Variants in COL27A1 observed in about 807,000 individuals in gnomAD.
COL27A1 encodes collagen type XXVII alpha 1 chain.
COL27A1 carries 106 observed loss-of-function variants against 251.3 expected under a neutral mutation model. The observed-to-expected ratio is 0.42, with a 90% CI of 0.36 to 0.50. The LOEUF (loss-of-function observed/expected upper bound fraction) is 0.50, where lower values mean the gene tolerates loss of function less well. Ranked by LOEUF, COL27A1 falls within the 20% of genes least tolerant of loss-of-function variation. COL27A1 has a pLI of 0.00. For missense variants in COL27A1, 2,325 were observed against 2,522.8 expected (o/e 0.92, Z 1.68); for synonymous variants, 1,000 against 986.3 (o/e 1.01, Z -0.26).
intron 37 of COL27A1, among the ~76,000 whole-genome samples, chr9:114,279,745 C>T (rs1399458243): frequency 6.6e-6 from 1 of 152,058 alleles, no homozygotes; most frequent in East Asian, 1.9e-4. Flanking sequence ...CTTGGCTACT[C>T]GGGAGGCTGA....
chr9:114,194,256 T>C (rs766615709), intron 5 of COL27A1, 148 bp from the exon 6 acceptor site: 234 of 776,054 alleles, frequency 3.0e-4, no homozygotes, highest in Non-Finnish European at 4.7e-4. Flanking sequence ...AGTAGTAGAA[T>C]TGGAGAAGAC....
At chr9:114,206,133 C>A in intron 9 of COL27A1, 119 bp from the exon 10 acceptor site, 4 of 1,005,532 alleles carry the variant, frequency 4.0e-6, no homozygotes, top group East Asian at 2.6e-5. Flanking sequence ...GCTGATCTAA[C>A]CCCACCCCCA....
chr9:114,224,209 T>C (rs888633271), intron 14 of COL27A1, among the ~76,000 whole-genome samples: 2 of 152,238 alleles, frequency 1.3e-5, no homozygotes. Flanking sequence ...TCTTCTAATC[T>C]GACCCTCTCT....
At chr9:114,212,864 GCTGGGT>G (rs1830457488) in intron 12 of COL27A1, among the ~76,000 whole-genome samples, 1 of 152,218 alleles carries the variant, frequency 6.6e-6, no homozygotes, top group South Asian at 2.1e-4. Flanking sequence ...CTTCACCTTT[GCTGGGT>G]CTGGTTTCCC....
chr9:114,186,987 T>C (rs150866593), intron 5 of COL27A1, among the ~76,000 whole-genome samples: 42 of 152,328 alleles, frequency 2.8e-4, no homozygotes, highest in African/African-American at 9.1e-4. Context: ...AGGCTCCTGG[T>C]TCCACTCTTG....
intron 28 of COL27A1, among the ~76,000 whole-genome samples, chr9:114,263,872 G>T (rs1834532626): frequency 6.6e-6 from 1 of 152,180 alleles, no homozygotes; most frequent in Non-Finnish European, 1.5e-5. Context: ...AGATGGGGCT[G>T]CTCCACACAT....
intron 37 of COL27A1, among the ~76,000 whole-genome samples, chr9:114,276,222 G>A (rs1305682525): frequency 6.6e-6 from 1 of 152,178 alleles, no homozygotes; most frequent in Admixed American, 6.5e-5. Context: ...CCCCAGGCTG[G>A]GCCATGAGCC....
At chr9:114,253,372 C>A (rs58922150) in intron 27 of COL27A1, among the ~76,000 whole-genome samples, 63,438 of 136,618 alleles carry the variant, frequency 0.46, 14,824 homozygotes, top group East Asian at 0.74. Context: ...GAAAGAAAGA[C>A]GAAAGAAAGA....
chr9:114,164,782 G>T (rs578126117), intron 2 of COL27A1, among the ~76,000 whole-genome samples: 2 of 152,324 alleles, frequency 1.3e-5, no homozygotes, highest in African/African-American at 4.8e-5. Context: ...ACCACTAAGA[G>T]AATCCTTAAT....
chr9:114,212,073 G>T (rs888233705), intron 12 of COL27A1, among the ~76,000 whole-genome samples: 1 of 152,210 alleles, frequency 6.6e-6, no homozygotes, highest in Non-Finnish European at 1.5e-5. Flanking sequence ...GGCCCTCTGG[G>T]GGCCAAAGAG....
At chr9:114,163,018 G>A (rs183336939) in intron 2 of COL27A1, among the ~76,000 whole-genome samples, 49 of 152,140 alleles carry the variant, frequency 3.2e-4, no homozygotes, top group African/African-American at 1.0e-3. Context: ...GGTGGATCAC[G>A]AGGTCAGGAG....
intron 5 of COL27A1, among the ~76,000 whole-genome samples, chr9:114,188,679 A>T (rs1377137031): frequency 6.6e-6 from 1 of 152,208 alleles, no homozygotes; most frequent in Non-Finnish European, 1.5e-5. Flanking sequence ...TATGCCTTGC[A>T]CATGAGAGAC....
chr9:114,176,544 G>GT (rs1466730659), intron 3 of COL27A1, among the ~76,000 whole-genome samples: 1 of 151,784 alleles, frequency 6.6e-6, no homozygotes. Context: ...GGTGGGTGGG[G>GT]GGGGGTGCCC....
intron 29 of COL27A1, among the ~76,000 whole-genome samples, chr9:114,264,665 C>T (rs11787767): frequency 6.6e-6 from 1 of 152,148 alleles, no homozygotes; most frequent in South Asian, 2.1e-4. Context: ...CCAAACCCCA[C>T]CAGGCCCCTG....
chr9:114,207,310 C>A lies in COL27A1; in HGVS notation c.2268+1014C>A, dbSNP rs1194801121. ...GAGTGTGGGGAGGCGGGAGTGGGGG[C>A]GGGGAGGTGCATTCCCCAGGAGGTT... is the stretch of plus-strand genomic sequence containing the variant. On this transcript the variant is annotated intron_variant, in intron 10 of 60. Coordinates refer to ENST00000356083, the MANE Select transcript of COL27A1 (RefSeq NM_032888.4). Among the ~76,000 whole-genome samples the A allele has an allele frequency of 1.3e-5, 2 of 152,004 alleles. 1 individual carries two copies. The highest frequency in any genetic ancestry group is 4.8e-5 in the African/African-American group (2 of 41,374).
At chr9:114,175,475 A>G (rs1236247432) in intron 3 of COL27A1, among the ~76,000 whole-genome samples, 1 of 152,122 alleles carries the variant, frequency 6.6e-6, no homozygotes, top group Non-Finnish European at 1.5e-5. Context: ...TGAGTAGGGG[A>G]GGGTCCAGCC....
chr9:114,171,915 A>G (rs1047096384), intron 3 of COL27A1, among the ~76,000 whole-genome samples: 3 of 152,196 alleles, frequency 2.0e-5, no homozygotes, highest in African/African-American at 7.2e-5. Context: ...GGGGTTGGAA[A>G]GAGATAAAGG....
intron 7 of COL27A1, among the ~76,000 whole-genome samples, chr9:114,201,365 G>C (rs375230005): frequency 3.8e-4 from 58 of 152,336 alleles, no homozygotes; most frequent in African/African-American, 1.2e-3. Context: ...TTGCAGGTCT[G>C]GGGCCCTGTC....
At chr9:114,235,003 C>T (rs927657418) in intron 16 of COL27A1, among the ~76,000 whole-genome samples, 116 of 143,214 alleles carry the variant, frequency 8.1e-4, no homozygotes, top group African/African-American at 2.8e-3. Context: ...CACCTGAGTC[C>T]GGGAGGTCAA....
Sources: allele counts gnomAD v4.1 joint callset (sites outside exome capture counted in the v4.1 genomes callset), GRCh38; gene constraint gnomAD v4.1.1; transcripts MANE v1.5; gene names NCBI Gene and HGNC (gene_info 2026-07-23, HGNC 2026-07-21).